The following PRKDC variants were observed in gnomAD, a reference collection of about 807,000 sequenced individuals.
The protein encoded by PRKDC is protein kinase, DNA-activated, catalytic subunit.
In PRKDC, 82 loss-of-function variants were observed where a neutral mutation model predicts 486.9. The observed-to-expected ratio is 0.17, with a 90% confidence interval of 0.14 to 0.20. PRKDC has a LOEUF of 0.20. PRKDC is among the 10% of genes least tolerant of loss of function. PRKDC has a pLI of 1.00. For synonymous variants in PRKDC, 1,895 were observed against 1,837.0 expected (o/e 1.03, Z -0.81); for missense variants, 4,504 against 5,038.2 (o/e 0.89, Z 3.21).
At chr8:47,841,426 C>T (rs1209597939) in intron 54 of PRKDC, among the ~76,000 whole-genome samples, 3 of 152,194 alleles carry the variant, frequency 2.0e-5, no homozygotes, top group Non-Finnish European at 4.4e-5. Flanking sequence ...TTCCCAGGCA[C>T]TCCCAACCCC....
chr8:47,783,399 C>G (rs901836021), intron 78 of PRKDC, among the ~76,000 whole-genome samples: 1 of 151,734 alleles, frequency 6.6e-6, no homozygotes, highest in Non-Finnish European at 1.5e-5. Flanking sequence ...ACCAGCCTAG[C>G]CAACATGGTG....
intron 1 of PRKDC, among the ~76,000 whole-genome samples, chr8:47,959,678 C>CAA (rs999049740): frequency 7.4e-6 from 1 of 135,228 alleles, no homozygotes; most frequent in Non-Finnish European, 1.6e-5. Flanking sequence ...GACTCCGTCT[C>CAA]AAAAAAAAAA....
chr8:47,938,115 A>G (rs1354855899), intron 11 of PRKDC, among the ~76,000 whole-genome samples: 4 of 152,028 alleles, frequency 2.6e-5, no homozygotes, highest in African/African-American at 9.7e-5. Flanking sequence ...AAAGAAAGGA[A>G]AAAGGGAGAG....
Position 47,886,129 on chromosome 8 carries a change from G to A in PRKDC, c.4591C>T (p.Leu1531Phe), listed in dbSNP as rs757535754. The A allele has an allele frequency of 1.2e-6, 2 of 1,604,332 alleles. No homozygotes were observed. Among genetic ancestry groups the A allele is most frequent in the Non-Finnish European group, 1.7e-6 (2 of 1,176,156 alleles). The change falls in exon 36 of 86, where the codon CTT becomes TTT. Residue 1531 changes from leucine to phenylalanine, a missense_variant. Coordinates refer to ENST00000314191, the MANE Select transcript of PRKDC (RefSeq NM_006904.7). Reference sequence around the variant, plus strand: ...GACAGCACCGCTGGGTTCAGGAGAAGACTCACAAGGCGCTCACACTGGGAA... The same window carrying A: ...GACAGCACCGCTGGGTTCAGGAGAAAACTCACAAGGCGCTCACACTGGGAA... ...FGGLCERLVS[L>F]LLNPAVLSTA...
chr8:47,941,081 G>A (rs1589808394), intron 10 of PRKDC, among the ~76,000 whole-genome samples: 1 of 149,938 alleles, frequency 6.7e-6, no homozygotes, highest in Admixed American at 6.7e-5. Context: ...AGTAACCCAA[G>A]CTTGCGCTAC....
At chr8:47,792,770 T>TA (rs543675102) in intron 74 of PRKDC, among the ~76,000 whole-genome samples, 1 of 151,952 alleles carries the variant, frequency 6.6e-6, no homozygotes, top group Non-Finnish European at 1.5e-5. Flanking sequence ...AAAATTAAAA[T>TA]AAAAAAAGAG....
At position 47,821,803 on chromosome 8, in the gene PRKDC, A is replaced by G. The variant is rs1433868936; in HGVS notation, c.8923-11T>C. On this transcript the variant is annotated splice_polypyrimidine_tract_variant and intron_variant, in intron 64 of 85. Coordinates refer to ENST00000314191, the MANE Select transcript of PRKDC (RefSeq NM_006904.7). Reference sequence around the variant, plus strand: ...TTGTTTATTGAGAGCCTAGTGGAGAAAAGTTAATAAAATTATTTTACAAAG... The same window carrying G: ...TTGTTTATTGAGAGCCTAGTGGAGAGAAGTTAATAAAATTATTTTACAAAG... 1 of 1,524,630 alleles carries G rather than the reference A, an allele frequency of 6.6e-7. No homozygotes were observed. Among genetic ancestry groups the G allele is most frequent in the African/African-American group, 1.4e-5 (1 of 70,646 alleles). The allele number at this position is 1,524,630 out of a possible 1,614,324, so 94.4% of individuals were successfully genotyped here.
chr8:47,826,531 T>C (rs1270111348), intron 63 of PRKDC, 125 bp downstream of exon 63: 7 of 1,010,446 alleles, frequency 6.9e-6, no homozygotes, highest in Non-Finnish European at 9.9e-6. Context: ...ACTTTTCTTT[T>C]AAATTTCACA....
chr8:47,834,650 C>G (rs2087968551), intron 58 of PRKDC, among the ~76,000 whole-genome samples: 2 of 150,092 alleles, frequency 1.3e-5, no homozygotes, highest in African/African-American at 5.0e-5. Flanking sequence ...AGGAATAACA[C>G]TTTGTTATCT....
intron 25 of PRKDC, among the ~76,000 whole-genome samples, chr8:47,911,760 T>TTTTA (rs534550305): frequency 6.6e-6 from 1 of 152,028 alleles, no homozygotes; most frequent in African/African-American, 2.4e-5. Context: ...CATAGCTATT[T>TTTTA]TTTATTTATT....
intron 21 of PRKDC, among the ~76,000 whole-genome samples, chr8:47,923,029 C>CTGATCAAG (rs2090097498): frequency 6.6e-6 from 1 of 151,498 alleles, no homozygotes; most frequent in Admixed American, 6.6e-5. Flanking sequence ...CTTTGGTTTA[C>CTGATCAAG]TGATCAAGGA....
At chr8:47,822,024 T>C (rs1290410215) in intron 64 of PRKDC, among the ~76,000 whole-genome samples, 1 of 152,228 alleles carries the variant, frequency 6.6e-6, no homozygotes, top group Non-Finnish European at 1.5e-5. Flanking sequence ...GGCTCACGCC[T>C]GTGATCCCAC....
At chr8:47,799,092 G>A in intron 72 of PRKDC, 118 bp downstream of exon 72, 2 of 1,327,738 alleles carry the variant, frequency 1.5e-6, no homozygotes, top group South Asian at 1.4e-5. Flanking sequence ...AAAGACAGTA[G>A]GATTTTCAAA....
rs1317892491 is a variant in PRKDC, at chr8:47,888,500, A to T, written c.4413+18T>A. ...TACTAAAGCTAAAATAAATGTAAAA[A>T]CAATAAGTTATAGTTACCTGAGACG... On this transcript the variant is annotated intron_variant, in intron 34 of 85. Transcript: ENST00000314191. 6.7e-7 allele frequency: 1 copy of T among 1,487,274 alleles called. No individual in the cohort carries two copies. Among genetic ancestry groups the T allele is most frequent in the African/African-American group, 1.4e-5 (1 of 70,970 alleles). 92.1% of individuals were successfully genotyped at this position (1,487,274 alleles called of 1,614,324 possible). A position where few individuals can be genotyped will look rare whatever the true frequency, so the allele number is the denominator to read the frequency against.
intron 40 of PRKDC, among the ~76,000 whole-genome samples, chr8:47,876,071 A>C (rs1473973841): frequency 5.3e-5 from 8 of 152,214 alleles, no homozygotes; most frequent in Non-Finnish European, 2.9e-5. Flanking sequence ...TAAAGACAGA[A>C]AGTAGATTAG....
intron 52 of PRKDC, among the ~76,000 whole-genome samples, chr8:47,850,378 C>T (rs1324965315): frequency 1.3e-5 from 2 of 152,172 alleles, no homozygotes; most frequent in Non-Finnish European, 2.9e-5. Flanking sequence ...GCATGACACT[C>T]AACAAAACGT....
intron 74 of PRKDC, among the ~76,000 whole-genome samples, chr8:47,790,261 C>T (rs2086862456): frequency 2.6e-5 from 4 of 152,158 alleles, no homozygotes; most frequent in Non-Finnish European, 4.4e-5. Context: ...TATATGCCAA[C>T]AGTGAACAAT....
At chr8:47,919,541 G>A (rs1027633998) in intron 21 of PRKDC, among the ~76,000 whole-genome samples, 3 of 152,134 alleles carry the variant, frequency 2.0e-5, no homozygotes, top group African/African-American at 4.8e-5. Context: ...GGTGAGCTGC[G>A]CCGCGGGAGG....
intron 66 of PRKDC, among the ~76,000 whole-genome samples, 186 bp downstream of exon 66, chr8:47,820,533 T>C (rs143813532): frequency 7.2e-5 from 11 of 152,068 alleles, no homozygotes; most frequent in Admixed American, 1.3e-4. Context: ...AACAGCATTA[T>C]TGGAAGAACA....
Sources: gnomAD v4.1 joint callset for allele counts (sites outside exome capture counted in the v4.1 genomes callset) on GRCh38, gnomAD v4.1.1 for gene constraint, MANE v1.5 for transcripts, NCBI Gene and HGNC (gene_info 2026-07-23, HGNC 2026-07-21) for gene names.